Variants in AP2B1 observed in about 807,000 individuals in gnomAD.
AP2B1 encodes the protein adaptor related protein complex 2 subunit beta 1, also known as AP-2 complex subunit beta.
In AP2B1, 23 loss-of-function variants were observed where a neutral mutation model predicts 102.0. The ratio of observed to expected loss-of-function variants is 0.23; its 90% CI spans 0.16 to 0.32. The LOEUF (loss-of-function observed/expected upper bound fraction) is 0.32. Ranked by LOEUF, AP2B1 falls within the 10% of genes least tolerant of loss-of-function variation. The probability of loss-of-function intolerance (pLI) is 1.00; values close to 1 mark genes in which losing one functional copy is unlikely to be tolerated. For missense variants in AP2B1, 541 were observed against 1,157.4 expected (o/e 0.47, Z 7.73); for synonymous variants, 381 against 421.2 (o/e 0.90, Z 1.17).
chr17:35,592,592 G>A (rs939055292), intron 1 of AP2B1, among the ~76,000 whole-genome samples: 1 of 152,086 alleles, frequency 6.6e-6, no homozygotes, highest in African/African-American at 2.4e-5. Flanking sequence ...GCCCAGGCTG[G>A]AGTGCAGTGG....
rs762208856 is a variant in AP2B1 at position 35,650,702 on chromosome 17, T to C, written c.1709T>C (p.Leu570Ser). ...GAGCTAATCTGCCACATTGGTTCTT[T>C]GGCCTCTGTGTATCATAAGCCTCCC... ...LDELICHIGS[L>S]ASVYHKPPNA... The change falls in exon 13 of 22, where the codon TTG (leucine) becomes TCG (serine). Residue 570 changes from leucine (L) to serine (S), a missense_variant. Physicochemically the swap from Leu to Ser is moderately radical, Grantham distance 145 (BLOSUM62 -2). Around this residue, in one of 10 missense-constraint regions of AP2B1, gnomAD observed 106 missense variants for 296.4 expected, o/e 0.36. Coordinates refer to ENST00000610402, the MANE Select transcript of AP2B1 (RefSeq NM_001030006.2). The C allele has an allele frequency of 6.2e-7, 1 of 1,614,230 alleles. No homozygotes were observed. The highest frequency in any genetic ancestry group is 1.1e-5 in the South Asian group (1 of 91,092).
chr17:35,656,884 CAA>C (rs11400227), intron 13 of AP2B1, among the ~76,000 whole-genome samples: 20 of 137,874 alleles, frequency 1.5e-4, no homozygotes, highest in Non-Finnish European at 2.5e-4. Context: ...GACTCCGTCT[CAA>C]AAAAAAAAAA....
intron 10 of AP2B1, among the ~76,000 whole-genome samples, chr17:35,638,855 A>ATTTACCAT (rs2074687998): frequency 6.6e-6 from 1 of 151,746 alleles, no homozygotes; most frequent in African/African-American, 2.4e-5. Flanking sequence ...TAAGGGACAG[A>ATTTACCAT]TTTACCATTT....
intron 10 of AP2B1, among the ~76,000 whole-genome samples, chr17:35,638,803 A>G (rs1451241644): frequency 1.3e-5 from 2 of 152,040 alleles, no homozygotes; most frequent in African/African-American, 4.8e-5. Context: ...AAAAAAAAAA[A>G]AAAAGAAAGC....
At chr17:35,698,166 G>A (rs946352241) in intron 18 of AP2B1, among the ~76,000 whole-genome samples, 3 of 152,130 alleles carry the variant, frequency 2.0e-5, no homozygotes, top group Admixed American at 6.5e-5. Flanking sequence ...GTGGGAAATC[G>A]GTGTGATAAG....
chr17:35,618,222 G>T (rs1009734723), intron 5 of AP2B1, among the ~76,000 whole-genome samples: 5 of 152,200 alleles, frequency 3.3e-5, no homozygotes, highest in Non-Finnish European at 7.3e-5. Context: ...AATAATGACT[G>T]AAACTCTCAG....
At chr17:35,616,051 C>CT in intron 5 of AP2B1, among the ~76,000 whole-genome samples, 1 of 144,776 alleles carries the variant, frequency 6.9e-6, no homozygotes, top group South Asian at 2.2e-4. Flanking sequence ...TTATAATGTG[C>CT]TTTGTGGAAA....
intron 18 of AP2B1, among the ~76,000 whole-genome samples, chr17:35,707,129 C>A (rs587763080): frequency 7.5e-6 from 1 of 132,818 alleles, no homozygotes; most frequent in South Asian, 2.4e-4. Context: ...TGCTCTGGTA[C>A]ATCCCTTGTT....
chr17:35,649,116 G>A (rs900102162), intron 12 of AP2B1, among the ~76,000 whole-genome samples: 1 of 152,092 alleles, frequency 6.6e-6, no homozygotes, highest in African/African-American at 2.4e-5. Context: ...AAGTCAGGCA[G>A]TGTATTGTTA....
Position 35,611,982 on chromosome 17 carries a change from G to T in AP2B1, c.525+3595G>T, listed in dbSNP as rs181099879. On this transcript the variant is annotated intron_variant, in intron 5 of 21. Coordinates refer to ENST00000610402, the MANE Select transcript of AP2B1 (RefSeq NM_001030006.2). ...TGGGGAGATTTTCATAAATATTTTT[G>T]AGGAGACTTTTAGAGAAAATTTAAA... 2.6e-3 allele frequency among the ~76,000 whole-genome samples: 394 copies of T among 152,286 alleles called. 2 individuals are homozygous for T. The highest frequency in any genetic ancestry group is 9.0e-3 in the African/African-American group (372 of 41,560).
chr17:35,672,630 G>A (rs367673417), intron 16 of AP2B1, among the ~76,000 whole-genome samples: 2 of 152,158 alleles, frequency 1.3e-5, no homozygotes, highest in African/African-American at 4.8e-5. Context: ...AACTGAGTGT[G>A]TATAGTTATT....
intron 18 of AP2B1, among the ~76,000 whole-genome samples, chr17:35,689,701 A>G (rs1206788540): frequency 1.3e-5 from 2 of 152,228 alleles, no homozygotes; most frequent in African/African-American, 2.4e-5. Flanking sequence ...CACTAGCCAC[A>G]TGTGGCTATG....
intron 18 of AP2B1, among the ~76,000 whole-genome samples, chr17:35,693,366 T>A (rs1347297341): frequency 6.6e-6 from 1 of 152,150 alleles, no homozygotes; most frequent in Non-Finnish European, 1.5e-5. Context: ...TATCTGTAGA[T>A]CCTAGTTCTA....
chr17:35,635,998 T>TA (rs1223148490), intron 9 of AP2B1, among the ~76,000 whole-genome samples: 1 of 13,958 alleles, frequency 7.2e-5, no homozygotes, highest in African/African-American at 1.0e-3. Context: ...CTTGGTAGTA[T>TA]TTTTTTTTTT....
intron 20 of AP2B1, among the ~76,000 whole-genome samples, 186 bp downstream of exon 20, chr17:35,710,506 A>G (rs1359541370): frequency 6.6e-6 from 1 of 152,216 alleles, no homozygotes; most frequent in Non-Finnish European, 1.5e-5. Flanking sequence ...TGATGTAGGT[A>G]CTAGATTACT....
intron 21 of AP2B1, among the ~76,000 whole-genome samples, chr17:35,722,081 A>G (rs958973289): frequency 2.0e-5 from 3 of 152,176 alleles, no homozygotes; most frequent in Admixed American, 6.5e-5. Flanking sequence ...TCTCTACTAA[A>G]AAGACAAAAA....
At chr17:35,712,521 G>A (rs1391327225) in intron 20 of AP2B1, among the ~76,000 whole-genome samples, 1 of 152,084 alleles carries the variant, frequency 6.6e-6, no homozygotes, top group African/African-American at 2.4e-5. Context: ...TCAGCTACTC[G>A]GGAGGCTGAG....
chr17:35,602,264 T>A (rs986248340), intron 3 of AP2B1, among the ~76,000 whole-genome samples: 16 of 152,172 alleles, frequency 1.1e-4, no homozygotes, highest in Non-Finnish European at 5.9e-5. Context: ...CTTATGTAAT[T>A]AGGCACTGAA....
chr17:35,636,172 CTG>C (rs1015258079), intron 9 of AP2B1, among the ~76,000 whole-genome samples, 167 bp from the exon 10 acceptor site: 2 of 152,142 alleles, frequency 1.3e-5, no homozygotes, highest in African/African-American at 2.4e-5. Flanking sequence ...ATAAATAAAA[CTG>C]TATCATATAG....
Sources: gnomAD v4.1 joint callset for allele counts (sites outside exome capture counted in the v4.1 genomes callset) on GRCh38, gnomAD v4.1.1 for gene constraint, gnomAD v4.1.1 regional missense constraint, MANE v1.5 for transcripts, NCBI Gene and HGNC (gene_info 2026-07-23, HGNC 2026-07-21) for gene names.